The following RGPD8 variants were observed in gnomAD, a reference collection of about 807,000 sequenced individuals.
RGPD8 encodes the protein RANBP2 like and GRIP domain containing 8.
RGPD8 carries 15 observed loss-of-function variants against 89.1 expected under a neutral mutation model. That is an observed-to-expected ratio of 0.17 (90% confidence interval 0.11 to 0.26). The LOEUF (loss-of-function observed/expected upper bound fraction) is 0.26, where lower values mean the gene tolerates loss of function less well. Ranked by LOEUF, RGPD8 falls within the 10% of genes least tolerant of loss-of-function variation. The pLI is 1.00. For missense variants in RGPD8, 178 were observed against 1,179.6 expected, an observed-to-expected ratio of 0.15 and a Z score of 12.44; for synonymous variants, 62 against 420.9, an observed-to-expected ratio of 0.15 and a Z score of 10.44.
intron 1 of RGPD8, among the ~76,000 whole-genome samples, chr2:112,430,686 G>A (rs551874858): frequency 6.6e-6 from 1 of 151,536 alleles, no homozygotes; most frequent in South Asian, 2.1e-4. Flanking sequence ...AAATCAGGCT[G>A]AGCAGAGTGG....
intron 6 of RGPD8, among the ~76,000 whole-genome samples, chr2:112,416,547 G>A (rs1679425365): frequency 6.7e-6 from 1 of 148,876 alleles, no homozygotes; most frequent in Non-Finnish European, 1.5e-5. Flanking sequence ...ATAAACAGAG[G>A]CAAGCTGCAT....
chr2:112,424,217 T>C lies in RGPD8; in HGVS notation c.140+23A>G, dbSNP rs750871093. The C allele has an allele frequency of 2.6e-5, 41 of 1,582,180 alleles. No individual in the cohort carries two copies. The South Asian group carries it at 4.3e-4, about 17-fold the overall frequency. On this transcript the variant is annotated intron_variant, in intron 2 of 22. Coordinates refer to ENST00000302558, the MANE Select transcript of RGPD8 (RefSeq NM_001164463.1). ...AAGGCATTGATTTTAAAAAAAAGAA[T>C]ACATGTTACGGTTTGTACTTACTTT... is the stretch of plus-strand genomic sequence containing the variant.
chr2:112,372,989 G>T (rs1007598870), intron 22 of RGPD8, among the ~76,000 whole-genome samples: 7 of 142,382 alleles, frequency 4.9e-5, no homozygotes, highest in East Asian at 2.0e-4. Flanking sequence ...ACAATATTCA[G>T]ATCTGTAAAC....
intron 7 of RGPD8, among the ~76,000 whole-genome samples, chr2:112,408,772 A>G (rs1679045193): frequency 6.6e-6 from 1 of 151,798 alleles, no homozygotes; most frequent in Non-Finnish European, 1.5e-5. Flanking sequence ...CCTGGTTTCA[A>G]GCAATTCTCC....
intron 7 of RGPD8, among the ~76,000 whole-genome samples, chr2:112,410,466 TC>T (rs1679126843): frequency 6.6e-6 from 1 of 151,646 alleles, no homozygotes; most frequent in Admixed American, 6.6e-5. Flanking sequence ...ATGTGAACTG[TC>T]TATCAACGGT....
intron 22 of RGPD8, among the ~76,000 whole-genome samples, chr2:112,371,914 T>C (rs1231082116): frequency 1.3e-5 from 2 of 150,820 alleles, no homozygotes; most frequent in East Asian, 1.9e-4. Context: ...ATTTTTCTGT[T>C]CTGTCTGGTT....
intron 1 of RGPD8, among the ~76,000 whole-genome samples, chr2:112,426,870 G>T (rs1438674194): frequency 1.4e-5 from 2 of 143,834 alleles, no homozygotes; most frequent in Non-Finnish European, 3.0e-5. Flanking sequence ...TCTGTCGCCA[G>T]GCTGGAGTGC....
chr2:112,426,111 A>C (rs1384090507), intron 1 of RGPD8, among the ~76,000 whole-genome samples: 1 of 151,978 alleles, frequency 6.6e-6, no homozygotes, highest in African/African-American at 2.4e-5. Flanking sequence ...CCAGTATATG[A>C]TCTTTTTTCT....
intron 20 of RGPD8, among the ~76,000 whole-genome samples, chr2:112,387,359 G>GT (rs1304128768): frequency 7.7e-6 from 1 of 129,092 alleles, no homozygotes; most frequent in African/African-American, 2.9e-5. Context: ...TTTGTTTTTT[G>GT]TTTTTTGTTT....
At chr2:112,430,886 C>T (rs1027344550) in intron 1 of RGPD8, among the ~76,000 whole-genome samples, 4 of 152,004 alleles carry the variant, frequency 2.6e-5, no homozygotes, top group Non-Finnish European at 4.4e-5. Flanking sequence ...GAGCCCAGGA[C>T]GTCAACGCTG....
At chr2:112,376,333 A>G (rs1214814925) in intron 22 of RGPD8, among the ~76,000 whole-genome samples, 8 of 109,054 alleles carry the variant, frequency 7.3e-5, no homozygotes, top group Non-Finnish European at 1.9e-5. Flanking sequence ...TCTATGATGT[A>G]TTTTTGTCCA....
chr2:112,373,037 T>C (rs1171180262), intron 22 of RGPD8, among the ~76,000 whole-genome samples: 1 of 146,182 alleles, frequency 6.8e-6, no homozygotes, highest in Non-Finnish European at 1.5e-5. Context: ...TATAGAAAAA[T>C]GACTTTTACT....
rs574977139 is a variant in RGPD8 at position 112,391,665 on chromosome 2, A to G, written c.2603-596T>C. Among the ~76,000 whole-genome samples the G allele has an allele frequency of 3.4e-4, 45 of 132,718 alleles. 4 individuals carry two copies. In the East Asian group the frequency reaches 8.8e-3, roughly 26 times the overall value. 87.1% of individuals were successfully genotyped at this position (132,718 alleles called of 152,430 possible). A position where few individuals can be genotyped will look rare whatever the true frequency, so the allele number is the denominator to read the frequency against. Reference sequence around the variant, plus strand: ...CTCCCTCTGTTTGGTCTGTTTTGCCAGGAAACAAAATGACTAGAAGGCACC... The same window carrying G: ...CTCCCTCTGTTTGGTCTGTTTTGCCGGGAAACAAAATGACTAGAAGGCACC... On this transcript the variant is annotated intron_variant, in intron 18 of 22. Coordinates refer to ENST00000302558, the MANE Select transcript of RGPD8 (RefSeq NM_001164463.1).
chr2:112,372,027 A>G (rs1168385116), intron 22 of RGPD8, among the ~76,000 whole-genome samples: 1 of 57,364 alleles, frequency 1.7e-5, no homozygotes, highest in Non-Finnish European at 3.2e-5. Context: ...GAGATCAGAA[A>G]TGGTTCTATT....
Position 112,403,933 on chromosome 2 carries a change from CG to C in RGPD8, c.1276+32del. 5.2e-6 allele frequency: 8 copies of C among 1,533,386 alleles called. 2 individuals are homozygous for C. The South Asian group carries it at 9.2e-5, about 18-fold the overall frequency. 95.0% of individuals were successfully genotyped at this position (1,533,386 alleles called of 1,614,324 possible). On this transcript the variant is annotated intron_variant, in intron 9 of 22. Coordinates refer to ENST00000302558, the MANE Select transcript of RGPD8 (RefSeq NM_001164463.1). ...TATGGGCAATTTATAAGAATTAAGA[CG>C]GAGACCATTTCCTCTGAAACATATA... is the stretch of plus-strand genomic sequence containing the variant.
At chr2:112,408,583 C>T (rs1487422238) in intron 7 of RGPD8, among the ~76,000 whole-genome samples, 3 of 150,286 alleles carry the variant, frequency 2.0e-5, no homozygotes, top group Non-Finnish European at 3.0e-5. Context: ...ATAAACCCGG[C>T]CTCTTTTACA....
intron 1 of RGPD8, chr2:112,432,712 C>G (rs1680098405): frequency 7.1e-6 from 7 of 985,308 alleles, no homozygotes; most frequent in South Asian, 4.7e-5. Context: ...CGCGCGGGTA[C>G]TACGGGGCCA....
At chr2:112,410,786 T>C (rs1679144560) in intron 7 of RGPD8, among the ~76,000 whole-genome samples, 1 of 151,166 alleles carries the variant, frequency 6.6e-6, no homozygotes. Flanking sequence ...CAAATAAAAA[T>C]AAAAAGATTT....
chr2:112,425,361 CA>C (rs1384021583), intron 1 of RGPD8, among the ~76,000 whole-genome samples: 2 of 151,222 alleles, frequency 1.3e-5, no homozygotes, highest in Non-Finnish European at 3.0e-5. Context: ...CAGTATTTTA[CA>C]GTCAAGGAGT....
Sources: gnomAD v4.1 joint callset for allele counts (sites outside exome capture counted in the v4.1 genomes callset) on GRCh38, gnomAD v4.1.1 for gene constraint, MANE v1.5 for transcripts, NCBI Gene and HGNC (gene_info 2026-07-23, HGNC 2026-07-21) for gene names.